The following PTPRD variants were observed in gnomAD, a reference collection of about 807,000 sequenced individuals.
The protein encoded by PTPRD is receptor-type tyrosine-protein phosphatase delta.
Under a neutral mutation model 214.5 loss-of-function variants are expected in PTPRD, and 34 were observed. The ratio of observed to expected loss-of-function variants is 0.16; its 90% CI spans 0.12 to 0.21. The LOEUF (loss-of-function observed/expected upper bound fraction) is 0.21, where lower values mean the gene tolerates loss of function less well. PTPRD is among the 10% of genes least tolerant of loss of function. The pLI, the probability that PTPRD is intolerant of heterozygous loss-of-function variation, is 1.00. For missense variants in PTPRD, 2,545 were observed against 2,398.7 expected, an observed-to-expected ratio of 1.06 and a Z score of -1.27; for synonymous variants, 1,128 against 845.7, an observed-to-expected ratio of 1.33 and a Z score of -5.79.
chr9:9,924,776 A>G (rs2083686126), intron 5 of PTPRD, among the ~76,000 whole-genome samples: 1 of 152,192 alleles, frequency 6.6e-6, no homozygotes, highest in African/African-American at 2.4e-5. Context: ...TTTGACAGAT[A>G]CTTGAAAGCT....
At chr9:8,631,900 G>A (rs947816902) in intron 14 of PTPRD, among the ~76,000 whole-genome samples, 3 of 151,760 alleles carry the variant, frequency 2.0e-5, no homozygotes, top group Non-Finnish European at 4.4e-5. Context: ...GTCAGGGAAT[G>A]GGGAACTTCC....
At chr9:8,713,903 A>G (rs1003135677) in intron 12 of PTPRD, 5 of 826,120 alleles carry the variant, frequency 6.1e-6, no homozygotes, top group Non-Finnish European at 9.4e-6. Flanking sequence ...TGGAAAAAAA[A>G]AAAAATCTTT....
chr9:8,426,201 C>T (rs941317375), intron 35 of PTPRD, among the ~76,000 whole-genome samples: 1 of 152,298 alleles, frequency 6.6e-6, no homozygotes, highest in South Asian at 2.1e-4. Context: ...TATTCATCTT[C>T]ATAACAGTCT....
chr9:10,419,926 C>T (rs2098530292), intron 2 of PTPRD, among the ~76,000 whole-genome samples: 1 of 151,704 alleles, frequency 6.6e-6, no homozygotes, highest in Admixed American at 6.6e-5. Context: ...AACCCCCACA[C>T]TAGAAAGCTC....
chr9:8,789,714 T>TA (rs1008098219), intron 11 of PTPRD, among the ~76,000 whole-genome samples: 3 of 151,980 alleles, frequency 2.0e-5, no homozygotes, highest in African/African-American at 4.8e-5. Flanking sequence ...GAAACATCTT[T>TA]AAAAAAAACC....
intron 2 of PTPRD, among the ~76,000 whole-genome samples, chr9:10,567,700 C>T (rs1034573985): frequency 1.5e-4 from 23 of 151,828 alleles, no homozygotes; most frequent in Admixed American, 1.4e-3. Flanking sequence ...TTAAAAAAAC[C>T]TTTGGTTTTT....
At chr9:8,755,938 A>G (rs535293605) in intron 11 of PTPRD, among the ~76,000 whole-genome samples, 1 of 152,358 alleles carries the variant, frequency 6.6e-6, no homozygotes, top group African/African-American at 2.4e-5. Context: ...TAATATTAGT[A>G]AAGCATGATA....
intron 3 of PTPRD, among the ~76,000 whole-genome samples, chr9:10,132,980 G>A (rs1285429119): frequency 6.7e-6 from 1 of 149,654 alleles, no homozygotes; most frequent in African/African-American, 2.5e-5. Context: ...TTCTGCCTTG[G>A]CATTGTCTCT....
intron 9 of PTPRD, among the ~76,000 whole-genome samples, chr9:9,232,234 A>G (rs993742704): frequency 3.3e-5 from 5 of 152,176 alleles, no homozygotes. Flanking sequence ...GAAGAGTTGC[A>G]TAAGATCAAC....
intron 12 of PTPRD, among the ~76,000 whole-genome samples, chr9:8,727,785 T>G (rs1008473902): frequency 6.6e-5 from 10 of 152,202 alleles, no homozygotes; most frequent in African/African-American, 2.4e-4. Context: ...CCCAAGTAGC[T>G]AGGACTACAG....
intron 2 of PTPRD, among the ~76,000 whole-genome samples, chr9:10,351,610 A>G (rs1180850778): frequency 6.6e-6 from 1 of 151,994 alleles, no homozygotes; most frequent in Non-Finnish European, 1.5e-5. Flanking sequence ...TAATTTATCC[A>G]AGAAATAATA....
chr9:9,598,027 G>C (rs950024166), intron 7 of PTPRD, among the ~76,000 whole-genome samples: 1 of 151,892 alleles, frequency 6.6e-6, no homozygotes, highest in Non-Finnish European at 1.5e-5. Context: ...CCTGCAAACT[G>C]TCCTGCCACT....
chr9:8,586,021 G>C lies in PTPRD; in HGVS notation c.352+47296C>G, dbSNP rs181847936. On this transcript the variant is annotated intron_variant, in intron 14 of 45. Coordinates refer to ENST00000381196, the MANE Select transcript of PTPRD (RefSeq NM_002839.4). ...ATTACTTTTAAAAAATAATTTATAGGCCAGGAGCAGTGGCTCACACCTGTA... is the reference window on the plus strand; with the variant it reads ...ATTACTTTTAAAAAATAATTTATAGCCCAGGAGCAGTGGCTCACACCTGTA... 2.6e-3 allele frequency among the ~76,000 whole-genome samples: 391 copies of C among 152,154 alleles called. 2 individuals carry two copies. Among genetic ancestry groups the C allele is most frequent in the Non-Finnish European group, 2.8e-3 (189 of 68,002 alleles).
At position 9,131,131 on chromosome 9, in the gene PTPRD, A is replaced by G. The variant is rs548878456; in HGVS notation, c.-143+52173T>C. ...AAGTTAGGAGTAAAAAGTTGAGAGAATAAAAAATGATACTTAGGGCAAACT... is the reference window on the plus strand; with the variant it reads ...AAGTTAGGAGTAAAAAGTTGAGAGAGTAAAAAATGATACTTAGGGCAAACT... On this transcript the variant is annotated intron_variant, in intron 10 of 45. Transcript: ENST00000381196. Among the ~76,000 whole-genome samples, 587 of 152,324 alleles carry G rather than the reference A, an allele frequency of 3.9e-3. 5 individuals carry two copies. Among genetic ancestry groups the G allele is most frequent in the African/African-American group, 0.013 (551 of 41,584 alleles).
At chr9:9,471,594 C>T (rs1345539024) in intron 8 of PTPRD, among the ~76,000 whole-genome samples, 1 of 151,962 alleles carries the variant, frequency 6.6e-6, no homozygotes, top group East Asian at 1.9e-4. Context: ...AAAATTATTC[C>T]TATTTATTAT....
intron 3 of PTPRD, among the ~76,000 whole-genome samples, chr9:10,316,343 G>C (rs1487292693): frequency 1.3e-5 from 2 of 151,660 alleles, no homozygotes; most frequent in Non-Finnish European, 2.9e-5. Context: ...TGCAACCTTA[G>C]TTATAGTAAC....
intron 2 of PTPRD, among the ~76,000 whole-genome samples, chr9:10,450,594 A>T (rs927211263): frequency 2.0e-5 from 3 of 152,028 alleles, no homozygotes; most frequent in African/African-American, 7.3e-5. Context: ...TCCATTTTAA[A>T]TTAAGCTATT....
intron 6 of PTPRD, among the ~76,000 whole-genome samples, chr9:9,737,529 A>G (rs940691961): frequency 1.3e-5 from 2 of 152,152 alleles, no homozygotes; most frequent in Admixed American, 1.3e-4. Context: ...TCTTCCCCTG[A>G]TAACTCCTAA....
chr9:8,943,291 G>A (rs1384624567), intron 11 of PTPRD, among the ~76,000 whole-genome samples: 1 of 151,702 alleles, frequency 6.6e-6, no homozygotes, highest in Non-Finnish European at 1.5e-5. Context: ...AATTTTTATG[G>A]AACACAAAAG....
Sources: allele counts gnomAD v4.1 joint callset (sites outside exome capture counted in the v4.1 genomes callset), GRCh38; gene constraint gnomAD v4.1.1; transcripts MANE v1.5; gene names NCBI Gene and HGNC (gene_info 2026-07-23, HGNC 2026-07-21).